CMTM4: variants seen among roughly 807,000 people sequenced by gnomAD.
The protein encoded by CMTM4 is CKLF like MARVEL transmembrane domain containing 4.
In CMTM4, 8 loss-of-function variants were observed where a neutral mutation model predicts 19.0. The ratio of observed to expected loss-of-function variants is 0.42; its 90% CI spans 0.25 to 0.76. The LOEUF is 0.76. CMTM4 is among the 30% of genes least tolerant of loss of function. CMTM4 has a pLI of 0.27. For synonymous variants in CMTM4, 106 were observed against 121.1 expected, an observed-to-expected ratio of 0.88 and a Z score of 0.82; for missense variants, 228 against 290.2, an observed-to-expected ratio of 0.79 and a Z score of 1.56.
Position 66,696,653 on chromosome 16 carries a change from C to CCCGCCG in CMTM4, c.-134_-129dup, listed in dbSNP as rs965818071. 4 of 392,572 alleles carry CCCGCCG rather than the reference C, an allele frequency of 1.0e-5. No individual in the cohort carries two copies. The highest frequency in any genetic ancestry group is 9.5e-5 in the South Asian group (1 of 10,518). The allele number at this position is 392,572 out of a possible 1,614,324, so 24.3% of individuals were successfully genotyped here. A position where few individuals can be genotyped will look rare whatever the true frequency, so the allele number is the denominator to read the frequency against. Reference sequence around the variant, plus strand: ...CGCCCGACTGACTGCCCGCGGCCCGCCCGCCGCCGCCGCCTCTCGCCCGCC... The same window carrying CCCGCCG: ...CGCCCGACTGACTGCCCGCGGCCCGCCCGCCGCCGCCGCCGCCGCCTCTCGCCCGCC... On this transcript the variant is annotated 5_prime_UTR_variant, in exon 1 of 4. Coordinates refer to ENST00000394106, the MANE Select transcript of CMTM4 (RefSeq NM_181521.3). The surrounding 1 kb of genome is among the most constrained non-coding windows in gnomAD (Gnocchi z 4.3).
At chr16:66,689,668 A>G (rs1263197679) in intron 1 of CMTM4, among the ~76,000 whole-genome samples, 1 of 152,158 alleles carries the variant, frequency 6.6e-6, no homozygotes, top group East Asian at 1.9e-4. Context: ...CGGCCTCCCA[A>G]AGTGCTGGGA....
At chr16:66,683,286 C>CTTTTTTT (rs781263895) in intron 1 of CMTM4, among the ~76,000 whole-genome samples, 58 of 78,842 alleles carry the variant, frequency 7.4e-4, no homozygotes, top group East Asian at 1.7e-3. Context: ...TTTTTCTTTT[C>CTTTTTTT]TTTTTTTTTT....
intron 1 of CMTM4, among the ~76,000 whole-genome samples, chr16:66,677,945 G>T (rs904293368): frequency 1.3e-5 from 2 of 152,140 alleles, no homozygotes; most frequent in South Asian, 4.1e-4. Context: ...TCATTTGCCC[G>T]CCTCAGCCTC....
At chr16:66,652,905 T>G (rs1264582044) in intron 1 of CMTM4, among the ~76,000 whole-genome samples, 2 of 152,292 alleles carry the variant, frequency 1.3e-5, no homozygotes, top group East Asian at 3.9e-4. Flanking sequence ...GCTCAAAAAG[T>G]CAAATTTTCA....
intron 1 of CMTM4, among the ~76,000 whole-genome samples, chr16:66,695,964 G>A (rs1236046952): frequency 6.6e-6 from 1 of 152,184 alleles, no homozygotes; most frequent in African/African-American, 2.4e-5. Flanking sequence ...GAGGTTGCGC[G>A]GGCCGGGAAA....
In CMTM4 at chr16:66,620,908, A is replaced by C; in HGVS notation, c.*1150T>G. The C allele has an allele frequency of 1.5e-5, 15 of 985,836 alleles. No homozygotes were observed. Among genetic ancestry groups the C allele is most frequent in the Non-Finnish European group, 1.8e-5 (15 of 829,948 alleles). 61.1% of individuals were successfully genotyped at this position (985,836 alleles called of 1,614,324 possible). On this transcript the variant is annotated 3_prime_UTR_variant, in exon 4 of 4. Transcript: ENST00000394106. ...CACAATAATCTTCACTTTATCAAGA[A>C]TCAATCAGAAACCTTAAGTAGCTAG...
chr16:66,690,290 C>G (rs950484629), intron 1 of CMTM4, among the ~76,000 whole-genome samples: 2 of 152,192 alleles, frequency 1.3e-5, no homozygotes, highest in African/African-American at 4.8e-5. Context: ...GAACCCTTCA[C>G]GGTTTGACCA....
In CMTM4 at chr16:66,696,320, G is replaced by A. The variant is rs765711311; in HGVS notation, c.186+20C>T. 4.5e-6 allele frequency: 6 copies of A among 1,323,198 alleles called. No homozygotes were observed. Among genetic ancestry groups the A allele is most frequent in the Non-Finnish European group, 5.8e-6 (6 of 1,039,440 alleles). 82.0% of individuals were successfully genotyped at this position (1,323,198 alleles called of 1,614,324 possible). On this transcript the variant is annotated intron_variant, in intron 1 of 3. Coordinates refer to ENST00000394106, the MANE Select transcript of CMTM4 (RefSeq NM_181521.3). The surrounding 1 kb of genome is among the most constrained non-coding windows in gnomAD (Gnocchi z 4.3). ...CGGCTAGGCCGCCCTCGGGCACCTG[G>A]GGCCCCGCCCGGCACCTACCACTTG...
chr16:66,621,787 GAAGC>G lies in CMTM4; in HGVS notation c.*267_*270del. 7.8e-7 allele frequency: 1 copy of G among 1,290,044 alleles called. No individual in the cohort carries two copies. Among genetic ancestry groups the G allele is most frequent in the Non-Finnish European group, 9.9e-7 (1 of 1,012,508 alleles). The allele number at this position is 1,290,044 out of a possible 1,614,324, so 79.9% of individuals were successfully genotyped here. A position where few individuals can be genotyped will look rare whatever the true frequency, so the allele number is the denominator to read the frequency against. Reference sequence around the variant, plus strand: ...ACGACAAGGTGGCTCAGAGTCAAAGGAAGCCTGTGCTTCAGGGCAGGTAAGACCT... The same window carrying G: ...ACGACAAGGTGGCTCAGAGTCAAAGGCTGTGCTTCAGGGCAGGTAAGACCT... On this transcript the variant is annotated 3_prime_UTR_variant, in exon 4 of 4. Coordinates refer to ENST00000394106, the MANE Select transcript of CMTM4 (RefSeq NM_181521.3).
chr16:66,680,548 G>A (rs560082711), intron 1 of CMTM4, among the ~76,000 whole-genome samples: 160 of 151,716 alleles, frequency 1.1e-3, no homozygotes, highest in Non-Finnish European at 6.9e-4. Context: ...GCCAAGGCGG[G>A]CAGATCACGA....
chr16:66,687,816 T>G (rs1305669252), intron 1 of CMTM4, among the ~76,000 whole-genome samples: 1 of 151,184 alleles, frequency 6.6e-6, no homozygotes, highest in Admixed American at 6.6e-5. Flanking sequence ...GCCTCCTGAG[T>G]AGCTGGGACT....
chr16:66,689,684 G>C (rs551491636), intron 1 of CMTM4, among the ~76,000 whole-genome samples: 75 of 152,306 alleles, frequency 4.9e-4, no homozygotes, highest in South Asian at 2.9e-3. Context: ...TGGGACTACA[G>C]ACATAAGCCA....
At position 66,621,601 on chromosome 16, in the gene CMTM4, T is replaced by G. The variant is rs1396003801; in HGVS notation, c.*457A>C. ...CTGGCATGGAAGATGAGGAGTGGGC[T>G]GGATCCCAGCACGCAGACTCAACAC... On this transcript the variant is annotated 3_prime_UTR_variant, in exon 4 of 4. Transcript: ENST00000394106. The G allele has an allele frequency of 1.0e-6, 1 of 992,950 alleles. No homozygotes were observed. Among genetic ancestry groups the G allele is most frequent in the African/African-American group, 1.7e-5 (1 of 57,500 alleles). The allele number at this position is 992,950 out of a possible 1,614,324, so 61.5% of individuals were successfully genotyped here. A position where few individuals can be genotyped will look rare whatever the true frequency, so the allele number is the denominator to read the frequency against.
At chr16:66,670,988 T>C (rs552446609) in intron 1 of CMTM4, among the ~76,000 whole-genome samples, 1 of 152,100 alleles carries the variant, frequency 6.6e-6, no homozygotes, top group Non-Finnish European at 1.5e-5. Flanking sequence ...TATTTTTACT[T>C]TTTTCTCTAT....
chr16:66,672,930 T>A (rs1270131141), intron 1 of CMTM4, among the ~76,000 whole-genome samples: 1 of 144,648 alleles, frequency 6.9e-6, no homozygotes, highest in South Asian at 2.2e-4. Context: ...CTGGCTTTTT[T>A]TTTTTTTTTT....
At chr16:66,601,189 T>G in the CMTM4 span, among the ~76,000 whole-genome samples, 1 of 152,052 alleles carries the variant, frequency 6.6e-6, no homozygotes, top group Non-Finnish European at 1.5e-5. Context: ...GTGTTAATTT[T>G]CTGGTTGGAA....
chr16:66,666,003 C>T (rs976726737), intron 1 of CMTM4, among the ~76,000 whole-genome samples: 6 of 151,690 alleles, frequency 4.0e-5, no homozygotes, highest in East Asian at 1.9e-4. Flanking sequence ...ACCCAGGAAA[C>T]GGAGGTTGCA....
chr16:66,692,988 C>T (rs939403877), intron 1 of CMTM4, among the ~76,000 whole-genome samples: 2 of 152,058 alleles, frequency 1.3e-5, no homozygotes, highest in Non-Finnish European at 2.9e-5. Context: ...CTTTGGGAGA[C>T]TGAGGCGGGT....
intron 1 of CMTM4, among the ~76,000 whole-genome samples, chr16:66,681,194 A>C (rs1026358657): frequency 3.3e-5 from 5 of 152,216 alleles, no homozygotes; most frequent in African/African-American, 1.2e-4. Flanking sequence ...GTTCCAGACC[A>C]GCCTGGGCAA....
Sources: gnomAD v4.1 joint callset for allele counts (sites outside exome capture counted in the v4.1 genomes callset) on GRCh38, gnomAD v4.1.1 for gene constraint, Gnocchi (gnomAD v3.1) non-coding constraint, MANE v1.5 for transcripts, NCBI Gene and HGNC (gene_info 2026-07-23, HGNC 2026-07-21) for gene names.